Variants in STK32B observed in about 807,000 individuals in gnomAD.
The protein encoded by STK32B is serine/threonine kinase 32B.
Under a neutral mutation model 52.6 loss-of-function variants are expected in STK32B, and 43 were observed. That is an observed-to-expected ratio of 0.82 (90% CI 0.64 to 1.05). The LOEUF (loss-of-function observed/expected upper bound fraction) is 1.05. Ranked by LOEUF, STK32B falls within the 50% of genes least tolerant of loss-of-function variation. The pLI, the probability that STK32B is intolerant of heterozygous loss-of-function variation, is 0.00. For missense variants in STK32B, 621 were observed against 534.6 expected, an observed-to-expected ratio of 1.16 and a Z score of -1.59; for synonymous variants, 238 against 204.3, an observed-to-expected ratio of 1.17 and a Z score of -1.41.
chr4:5,379,881 TCTC>T (rs145652830), intron 4 of STK32B, among the ~76,000 whole-genome samples: 274 of 152,314 alleles, frequency 1.8e-3, no homozygotes, highest in African/African-American at 6.2e-3. Flanking sequence ...ATTCTGTTCT[TCTC>T]CTGCTGCACT....
intron 11 of STK32B, among the ~76,000 whole-genome samples, chr4:5,474,834 C>A (rs1450113461): frequency 6.6e-6 from 1 of 152,128 alleles, no homozygotes; most frequent in Non-Finnish European, 1.5e-5. Flanking sequence ...AAACATAATT[C>A]TGACTTGAAT....
At chr4:5,489,050 G>C (rs1719464229) in intron 11 of STK32B, among the ~76,000 whole-genome samples, 2 of 151,952 alleles carry the variant, frequency 1.3e-5, no homozygotes, top group South Asian at 4.1e-4. Flanking sequence ...TTAATTGTCT[G>C]TCATGTATCA....
chr4:5,358,478 C>T (rs1308409014), intron 4 of STK32B, among the ~76,000 whole-genome samples: 2 of 152,124 alleles, frequency 1.3e-5, no homozygotes, highest in Non-Finnish European at 2.9e-5. Context: ...GAATCTCTTC[C>T]CCAAGTGGAA....
intron 4 of STK32B, among the ~76,000 whole-genome samples, chr4:5,372,961 A>G (rs1735350587): frequency 6.6e-6 from 1 of 152,212 alleles, no homozygotes; most frequent in Non-Finnish European, 1.5e-5. Flanking sequence ...ATTTGAAGTC[A>G]ATAAAGATTG....
intron 1 of STK32B, among the ~76,000 whole-genome samples, chr4:5,121,954 G>A (rs919452680): frequency 1.3e-5 from 2 of 152,180 alleles, no homozygotes; most frequent in African/African-American, 4.8e-5. Context: ...CACTGTCAGT[G>A]GGAAATGGGA....
chr4:5,024,470 C>A, the STK32B span, among the ~76,000 whole-genome samples: 1 of 152,204 alleles, frequency 6.6e-6, no homozygotes, highest in Non-Finnish European at 1.5e-5. Flanking sequence ...CTCTTAATAT[C>A]TCTCTGCCAC....
rs74446864 is a variant in STK32B, at chr4:5,263,392, C to T, written c.261-67828C>T. Among the ~76,000 whole-genome samples the T allele has an allele frequency of 2.6e-3, 400 of 152,278 alleles. 1 individual carries two copies. The highest frequency in any genetic ancestry group is 0.01 in the Middle Eastern group (3 of 294). On this transcript the variant is annotated intron_variant, in intron 3 of 11. Transcript: ENST00000282908. ...CCTAAAGCCACAGCAGGGGTGTCAT[C>T]CCATGTGTTCCCATTAGCCTCTCCC... is the stretch of plus-strand genomic sequence containing the variant.
intron 4 of STK32B, among the ~76,000 whole-genome samples, chr4:5,388,710 G>A (rs1324531700): frequency 2.0e-5 from 3 of 152,182 alleles, no homozygotes; most frequent in Admixed American, 6.5e-5. Flanking sequence ...TGTTGGCTGC[G>A]TGGACCAAGA....
In STK32B at chr4:5,348,124, A is replaced by C. The variant is rs541051451; in HGVS notation, c.434+16731A>C. ...ACCCATTTGGCTGGGATAGGCTGTTAGGAGAGGTTCCCTAATGCTGGAAAA... is the reference window on the plus strand; with the variant it reads ...ACCCATTTGGCTGGGATAGGCTGTTCGGAGAGGTTCCCTAATGCTGGAAAA... On this transcript the variant is annotated intron_variant, in intron 4 of 11. Coordinates refer to ENST00000282908, the MANE Select transcript of STK32B (RefSeq NM_018401.3). Among the ~76,000 whole-genome samples, 404 of 152,266 alleles carry C rather than the reference A, an allele frequency of 2.7e-3. 1 individual carries two copies. Among genetic ancestry groups the C allele is most frequent in the African/African-American group, 9.1e-3 (377 of 41,552 alleles).
the STK32B span, among the ~76,000 whole-genome samples, chr4:5,030,447 C>G: frequency 0.67 from 101,282 of 152,090 alleles, 34,072 homozygotes; most frequent in East Asian, 0.96. Flanking sequence ...GTTGATGAAA[C>G]TTTTCTGCCA....
At chr4:5,489,390 A>G (rs1165819886) in intron 11 of STK32B, among the ~76,000 whole-genome samples, 1 of 152,206 alleles carries the variant, frequency 6.6e-6, no homozygotes, top group Non-Finnish European at 1.5e-5. Flanking sequence ...AACTCAGAAA[A>G]TATGGCTGTT....
At chr4:5,468,160 C>G in intron 11 of STK32B, 90 bp downstream of exon 11, 1 of 1,359,184 alleles carries the variant, frequency 7.4e-7, no homozygotes, top group Non-Finnish European at 1.1e-6. Context: ...GCCCCCCAAA[C>G]CGGCCTTGAC....
At chr4:5,235,466 T>C (rs932578794) in intron 3 of STK32B, among the ~76,000 whole-genome samples, 1 of 152,180 alleles carries the variant, frequency 6.6e-6, no homozygotes, top group African/African-American at 2.4e-5. Context: ...AATGTCTTAA[T>C]ATGTGGCAAG....
At chr4:5,220,397 G>T (rs912265758) in intron 3 of STK32B, among the ~76,000 whole-genome samples, 4 of 152,218 alleles carry the variant, frequency 2.6e-5, no homozygotes, top group Admixed American at 6.5e-5. Context: ...AAGATAGAGA[G>T]TAGTAAACAA....
chr4:5,204,714 C>A (rs186069566), intron 3 of STK32B, among the ~76,000 whole-genome samples: 1 of 152,006 alleles, frequency 6.6e-6, no homozygotes, highest in Non-Finnish European at 1.5e-5. Flanking sequence ...GTGATCTGCC[C>A]GCCTCAGCCT....
intron 3 of STK32B, among the ~76,000 whole-genome samples, chr4:5,241,426 C>A (rs1379987760): frequency 6.6e-6 from 1 of 152,042 alleles, no homozygotes; most frequent in Non-Finnish European, 1.5e-5. Flanking sequence ...TTGGATCTGA[C>A]CAGCACCTGG....
intron 3 of STK32B, among the ~76,000 whole-genome samples, chr4:5,235,556 T>C (rs761095469): frequency 5.9e-5 from 9 of 152,182 alleles, no homozygotes; most frequent in Non-Finnish European, 1.3e-4. Flanking sequence ...TTTCAGATAA[T>C]AGAAAGTTAC....
At chr4:5,369,528 C>G (rs561125278) in intron 4 of STK32B, among the ~76,000 whole-genome samples, 2 of 152,132 alleles carry the variant, frequency 1.3e-5, no homozygotes, top group South Asian at 4.2e-4. Context: ...GCAGGCAGCT[C>G]TGATGTCTAC....
chr4:5,355,519 A>G (rs1475842364), intron 4 of STK32B, among the ~76,000 whole-genome samples: 1 of 152,138 alleles, frequency 6.6e-6, no homozygotes, highest in African/African-American at 2.4e-5. Flanking sequence ...AGAACTTATG[A>G]TGAGATTCTG....
Sources: gnomAD v4.1 joint callset for allele counts (sites outside exome capture counted in the v4.1 genomes callset) on GRCh38, gnomAD v4.1.1 for gene constraint, MANE v1.5 for transcripts, NCBI Gene and HGNC (gene_info 2026-07-23, HGNC 2026-07-21) for gene names.